Variants in POFUT4 observed in about 807,000 individuals in gnomAD.
POFUT4 encodes protein O-fucosyltransferase 4, also known as GDP-fucose protein O-fucosyltransferase 4.
the POFUT4 span, chr10:73,772,837 C>A: frequency 5.0e-6 from 8 of 1,612,376 alleles, no homozygotes; most frequent in Non-Finnish European, 6.8e-6. Context: ...TCAATCTTAC[C>A]TCCACCTTCA....
chr10:73,772,702 C>T, the POFUT4 span: 4 of 1,579,530 alleles, frequency 2.5e-6, no homozygotes, highest in East Asian at 2.3e-5. Context: ...TGCTCTTCTA[C>T]GGCACAGACT....
chr10:73,773,041 G>A, the POFUT4 span: 2 of 1,567,870 alleles, frequency 1.3e-6, no homozygotes, highest in South Asian at 1.2e-5. Context: ...GCCACATCCC[G>A]GTGAGTGAGG....
chr10:73,775,776 T>C, the POFUT4 span: 1 of 1,283,710 alleles, frequency 7.8e-7, no homozygotes, highest in Non-Finnish European at 1.1e-6. Context: ...AAACCCTTAA[T>C]GAACACTGTC....
At chr10:73,772,705 C>A in the POFUT4 span, 1 of 1,581,754 alleles carries the variant, frequency 6.3e-7, no homozygotes, top group Non-Finnish European at 8.6e-7. Context: ...TCTTCTACGG[C>A]ACAGACTTCC....
chr10:73,773,675 G>T, the POFUT4 span: 1 of 1,614,230 alleles, frequency 6.2e-7, no homozygotes, highest in Non-Finnish European at 8.5e-7. Flanking sequence ...AACTGGCTCG[G>T]CTGGATGCCG....
chr10:73,778,847 C>T, the POFUT4 span: 1 of 152,052 alleles, frequency 6.6e-6, no homozygotes, highest in Admixed American at 6.5e-5. Context: ...AGAGGGAAGA[C>T]AGACCTTCAG....
At chr10:73,776,575 G>A in the POFUT4 span, among the ~76,000 whole-genome samples, 1 of 152,134 alleles carries the variant, frequency 6.6e-6, no homozygotes, top group African/African-American at 2.4e-5. Flanking sequence ...TAGATACTTG[G>A]GAGGTTGAGG....
At chr10:73,779,770 G>C in the POFUT4 span, 1 of 152,166 alleles carries the variant, frequency 6.6e-6, no homozygotes, top group Non-Finnish European at 1.5e-5. Context: ...GCAAGGTGTA[G>C]ATTATCCTTA....
the POFUT4 span, chr10:73,772,984 C>G: frequency 1.3e-5 from 20 of 1,598,338 alleles, no homozygotes; most frequent in Non-Finnish European, 1.5e-5. Flanking sequence ...TGCAGTCACA[C>G]TGCGACGTGC....
chr10:73,779,399 A>G, the POFUT4 span: 1 of 152,478 alleles, frequency 6.6e-6, no homozygotes, highest in Non-Finnish European at 1.5e-5. Flanking sequence ...CCTCATCTCT[A>G]CTAAAAATAC....
chr10:73,773,407 C>G, the POFUT4 span: 1 of 1,614,228 alleles, frequency 6.2e-7, no homozygotes, highest in Non-Finnish European at 8.5e-7. Flanking sequence ...CGCGGTTCTC[C>G]CTCTGTGAGG....
At chr10:73,773,120 T>C in the POFUT4 span, 6 of 364,664 alleles carry the variant, frequency 1.6e-5, no homozygotes, top group Admixed American at 2.9e-4. Context: ...GGACTCCAGG[T>C]GTCCAGGACT....
the POFUT4 span, among the ~76,000 whole-genome samples, chr10:73,778,415 T>A: frequency 6.4e-5 from 9 of 141,382 alleles, no homozygotes; most frequent in Non-Finnish European, 1.2e-4. Context: ...AAAAAAAAGC[T>A]TAGTCAGATT....
chr10:73,779,937 C>G, the POFUT4 span: 1 of 152,184 alleles, frequency 6.6e-6, no homozygotes, highest in African/African-American at 2.4e-5. Flanking sequence ...CATATACGTA[C>G]TCACAAAAGA....
At chr10:73,772,387 C>T in the POFUT4 span, 2 of 1,566,008 alleles carry the variant, frequency 1.3e-6, no homozygotes, top group East Asian at 2.4e-5. Context: ...TGCTCAGTGT[C>T]TGTGCAGCCA....
At chr10:73,779,231 A>T in the POFUT4 span, 1 of 155,148 alleles carries the variant, frequency 6.4e-6, no homozygotes, top group African/African-American at 2.4e-5. Flanking sequence ...ATGAGTGCCA[A>T]CTGGGCAACA....
chr10:73,773,248 A>G, the POFUT4 span: 50 of 1,613,172 alleles, frequency 3.1e-5, no homozygotes, highest in Non-Finnish European at 2.5e-6. Context: ...CGGCTACAGG[A>G]CACAGCCACG....
chr10:73,772,915 G>T, the POFUT4 span: 1 of 1,611,120 alleles, frequency 6.2e-7, no homozygotes, highest in Non-Finnish European at 8.5e-7. Context: ...GCCGCCCGGT[G>T]CCTCCGCCCA....
the POFUT4 span, chr10:73,773,113 CTCCAGGTGTCCAGGA>C: frequency 2.7e-6 from 1 of 372,014 alleles, no homozygotes; most frequent in Non-Finnish European, 4.9e-6. Context: ...GTGTCCAGGA[CTCCAGGTGTCCAGGA>C]CTCCAGGTGT....
Sources: allele counts gnomAD v4.1 joint callset (sites outside exome capture counted in the v4.1 genomes callset), GRCh38; gene constraint gnomAD v4.1.1; transcripts MANE v1.5; gene names NCBI Gene and HGNC (gene_info 2026-07-23, HGNC 2026-07-21).